Variants in LAIR1 observed in about 807,000 individuals in gnomAD.
LAIR1 encodes leukocyte associated immunoglobulin like receptor 1.
LAIR1 carries 24 observed loss-of-function variants against 32.8 expected under a neutral mutation model. The ratio of observed to expected loss-of-function variants is 0.73; its 90% CI spans 0.53 to 1.03. The LOEUF is 1.03. Ranked by LOEUF, LAIR1 falls within the 50% of genes least tolerant of loss-of-function variation. LAIR1 has a pLI of 0.00. For missense variants in LAIR1, 355 were observed against 347.5 expected (o/e 1.02, Z -0.17); for synonymous variants, 150 against 140.5 (o/e 1.07, Z -0.48).
At chr19:54,369,496 G>A (rs1325766893), upstream of LAIR1, among the ~76,000 whole-genome samples, 1 of 151,376 alleles carries the variant, frequency 6.6e-6, no homozygotes, top group Admixed American at 6.6e-5. Flanking sequence ...CAGAGCTGTC[G>A]TTGTTCCATA....
intron 2 of LAIR1, among the ~76,000 whole-genome samples, chr19:54,362,780 C>T (rs143262402): frequency 7.4e-4 from 113 of 152,290 alleles, no homozygotes; most frequent in African/African-American, 2.6e-3. Context: ...GCCACCGCAC[C>T]CAGCCTCATT....
chr19:54,365,557 G>A (rs28581228), upstream of LAIR1, among the ~76,000 whole-genome samples: 30,255 of 152,046 alleles, frequency 0.2, 3,897 homozygotes, highest in South Asian at 0.33. Flanking sequence ...TCGGGAGGCC[G>A]GGGTGGGTGG....
Position 54,364,404 on chromosome 19 carries a change from C to G in LAIR1, c.35-74G>C. 1 of 1,592,130 alleles carries G rather than the reference C, an allele frequency of 6.3e-7. No homozygotes were observed. Among genetic ancestry groups the G allele is most frequent in the South Asian group, 1.1e-5 (1 of 90,494 alleles). Reference sequence around the variant, plus strand: ...ACGGGGCTGCTGTCAAAAGGGGGCTCGATGGAGCTGGGGGGCATTCAGCAT... The same window carrying G: ...ACGGGGCTGCTGTCAAAAGGGGGCTGGATGGAGCTGGGGGGCATTCAGCAT... On this transcript the variant is annotated intron_variant, in intron 1 of 9. Transcript: ENST00000391742. The surrounding 1 kb of genome is among the most constrained non-coding windows in gnomAD (Gnocchi z 4.8).
Position 54,364,439 on chromosome 19 carries a change from A to G in LAIR1, c.35-109T>C. 8.6e-7 allele frequency: 1 copy of G among 1,168,048 alleles called. No homozygotes were observed. The highest frequency in any genetic ancestry group is 1.3e-6 in the Non-Finnish European group (1 of 786,070). The allele number at this position is 1,168,048 out of a possible 1,614,324, so 72.4% of individuals were successfully genotyped here. On this transcript the variant is annotated intron_variant, in intron 1 of 9. Coordinates refer to ENST00000391742, the MANE Select transcript of LAIR1 (RefSeq NM_002287.6). The surrounding 1 kb of genome is among the most constrained non-coding windows in gnomAD (Gnocchi z 4.8). ...GGGGGGCATTCAGCATTTCATAACGACCAAGCCAACCCTCCTCGACATCAC... is the reference window on the plus strand; with the variant it reads ...GGGGGGCATTCAGCATTTCATAACGGCCAAGCCAACCCTCCTCGACATCAC...
upstream of LAIR1, chr19:54,365,171 G>A (rs918543): frequency 9.2e-6 from 6 of 651,200 alleles, no homozygotes; most frequent in Admixed American, 4.9e-5. Context: ...GTTAACGGTC[G>A]CAGCTCTTGG....
chr19:54,355,200 A>G lies in LAIR1; in HGVS notation c.*68T>C, dbSNP rs1343157963. 1 of 1,418,482 alleles carries G rather than the reference A, an allele frequency of 7.0e-7. No individual in the cohort carries two copies. Among genetic ancestry groups the G allele is most frequent in the South Asian group, 1.4e-5 (1 of 71,340 alleles). The allele number at this position is 1,418,482 out of a possible 1,614,324, so 87.9% of individuals were successfully genotyped here. On this transcript the variant is annotated 3_prime_UTR_variant, in exon 10 of 10. Coordinates refer to ENST00000391742, the MANE Select transcript of LAIR1 (RefSeq NM_002287.6). The surrounding 1 kb of genome is among the most constrained non-coding windows in gnomAD (Gnocchi z 4.7). Reference sequence around the variant, plus strand: ...AGGAATCCAACAGGAAGCCTTCCAAATGGCTGCTTCAGGCTTTTCCTAGAG... The same window carrying G: ...AGGAATCCAACAGGAAGCCTTCCAAGTGGCTGCTTCAGGCTTTTCCTAGAG...
intron 3 of LAIR1, 110 bp downstream of exon 3, chr19:54,360,806 G>T: frequency 9.6e-7 from 1 of 1,045,746 alleles, no homozygotes; most frequent in Non-Finnish European, 1.4e-6. Context: ...GGGGTCAGGA[G>T]GAGGACAAGG....
upstream of LAIR1, among the ~76,000 whole-genome samples, chr19:54,366,969 T>C (rs994573980): frequency 7.9e-5 from 12 of 152,128 alleles, no homozygotes; most frequent in African/African-American, 2.7e-4. Context: ...AAAAGTCCGT[T>C]TTCAGGGGAG....
At chr19:54,367,486 G>A (rs1050212890), upstream of LAIR1, among the ~76,000 whole-genome samples, 4 of 152,090 alleles carry the variant, frequency 2.6e-5, no homozygotes, top group African/African-American at 9.7e-5. Context: ...GCTCACGCCT[G>A]TAATCTTCTC....
At chr19:54,373,962 G>C (rs1261378735), upstream of LAIR1, among the ~76,000 whole-genome samples, 1 of 152,198 alleles carries the variant, frequency 6.6e-6, no homozygotes. Flanking sequence ...TTTCTGTCCA[G>C]AATTGTTGGC....
intron 4 of LAIR1, chr19:54,357,231 A>G: frequency 3.9e-6 from 2 of 511,968 alleles, no homozygotes; most frequent in Non-Finnish European, 7.0e-6. Flanking sequence ...CACCGTCTGC[A>G]CCTCCAGGAC....
upstream of LAIR1, among the ~76,000 whole-genome samples, chr19:54,367,824 C>G (rs1266797449): frequency 7.0e-6 from 1 of 143,734 alleles, no homozygotes; most frequent in African/African-American, 2.6e-5. Flanking sequence ...GGACTGCGGA[C>G]TGCAGTGGCG....
chr19:54,358,501 G>C (rs1261536404), intron 4 of LAIR1: 1 of 1,571,976 alleles, frequency 6.4e-7, no homozygotes, highest in Admixed American at 1.7e-5. Flanking sequence ...ATGCATGTAT[G>C]GGAATCAGTG....
upstream of LAIR1, among the ~76,000 whole-genome samples, chr19:54,369,709 A>C (rs1476427342): frequency 6.6e-6 from 1 of 151,622 alleles, no homozygotes; most frequent in Non-Finnish European, 1.5e-5. Flanking sequence ...AGATACATAC[A>C]CAATATTTGC....
upstream of LAIR1, among the ~76,000 whole-genome samples, chr19:54,375,452 G>T (rs1161696697): frequency 6.6e-6 from 1 of 152,214 alleles, no homozygotes; most frequent in African/African-American, 2.4e-5. Context: ...TCACCATGAG[G>T]CTTAGTTCTT....
At chr19:54,374,717 G>A (rs193243564), upstream of LAIR1, among the ~76,000 whole-genome samples, 1 of 152,098 alleles carries the variant, frequency 6.6e-6, no homozygotes, top group Non-Finnish European at 1.5e-5. Flanking sequence ...GGTTCCCAGA[G>A]CTCTTCAGGT....
rs139739133 is a variant in LAIR1 at position 54,354,024 on chromosome 19, T to G, written c.*1244A>C. The G allele has an allele frequency of 1.3e-5, 2 of 151,658 alleles. No homozygotes were observed. Among genetic ancestry groups the G allele is most frequent in the Non-Finnish European group, 2.9e-5 (2 of 67,860 alleles). The allele number at this position is 151,658 out of a possible 1,614,324, so 9.4% of individuals were successfully genotyped here. A position where few individuals can be genotyped will look rare whatever the true frequency, so the allele number is the denominator to read the frequency against. On this transcript the variant is annotated 3_prime_UTR_variant, in exon 10 of 10. Transcript: ENST00000391742. ...CTGGGATTACAGGCGTGAGCCTCCATGCCCGGCCTGTTTTTGTTTTTTAAA... is the reference window on the plus strand; with the variant it reads ...CTGGGATTACAGGCGTGAGCCTCCAGGCCCGGCCTGTTTTTGTTTTTTAAA...
chr19:54,365,366 A>T (rs1258809818), upstream of LAIR1, among the ~76,000 whole-genome samples: 1 of 152,230 alleles, frequency 6.6e-6, no homozygotes, highest in African/African-American at 2.4e-5. Flanking sequence ...ATGTGGAGAA[A>T]CTGGATCCCT....
upstream of LAIR1, chr19:54,365,058 G>T: frequency 7.2e-7 from 1 of 1,387,020 alleles, no homozygotes; most frequent in South Asian, 1.6e-5. Context: ...GCAGATGACC[G>T]TAAACTAGTT....
Sources: gnomAD v4.1 joint callset for allele counts (sites outside exome capture counted in the v4.1 genomes callset) on GRCh38, gnomAD v4.1.1 for gene constraint, Gnocchi (gnomAD v3.1) non-coding constraint, MANE v1.5 for transcripts, NCBI Gene and HGNC (gene_info 2026-07-23, HGNC 2026-07-21) for gene names.